GALNTL6: variants seen among roughly 807,000 people sequenced by gnomAD.
GALNTL6 encodes the protein polypeptide N-acetylgalactosaminyltransferase like 6, also known as polypeptide N-acetylgalactosaminyltransferase-like 6.
A neutral mutation model predicts 73.7 loss-of-function variants in GALNTL6; 46 were observed. That is an observed-to-expected ratio of 0.62 (90% confidence interval 0.49 to 0.80). The LOEUF (loss-of-function observed/expected upper bound fraction) is 0.80. Ranked by LOEUF, GALNTL6 falls within the 30% of genes least tolerant of loss-of-function variation. The pLI is 0.00. For missense variants in GALNTL6, 604 were observed against 755.0 expected, an observed-to-expected ratio of 0.80 and a Z score of 2.34; for synonymous variants, 259 against 263.7, an observed-to-expected ratio of 0.98 and a Z score of 0.17.
chr4:172,514,513 G>A (rs917601663), intron 5 of GALNTL6, among the ~76,000 whole-genome samples: 3 of 152,112 alleles, frequency 2.0e-5, no homozygotes, highest in East Asian at 1.9e-4. Context: ...TCTCTCTGCC[G>A]AGAAATCAAG....
chr4:171,957,325 A>G (rs1392225902), intron 2 of GALNTL6, among the ~76,000 whole-genome samples: 1 of 152,236 alleles, frequency 6.6e-6, no homozygotes, highest in Non-Finnish European at 1.5e-5. Context: ...TTGTCAAAAA[A>G]TAAGTTGCTA....
At chr4:172,073,810 G>T (rs1459310766) in intron 2 of GALNTL6, among the ~76,000 whole-genome samples, 1 of 152,190 alleles carries the variant, frequency 6.6e-6, no homozygotes, top group African/African-American at 2.4e-5. Flanking sequence ...CAATTTGGCT[G>T]AGGGCTAAGC....
chr4:171,918,381 A>G (rs559134440), intron 2 of GALNTL6, among the ~76,000 whole-genome samples: 1 of 152,280 alleles, frequency 6.6e-6, no homozygotes, highest in East Asian at 1.9e-4. Context: ...ATGATGTGTC[A>G]TGTTCTGACT....
intron 2 of GALNTL6, among the ~76,000 whole-genome samples, chr4:171,980,839 A>C (rs1739874551): frequency 6.6e-6 from 1 of 152,240 alleles, no homozygotes; most frequent in South Asian, 2.1e-4. Flanking sequence ...GATTTCATTA[A>C]AATGAAATAT....
At chr4:172,465,652 A>G (rs1373270538) in intron 5 of GALNTL6, among the ~76,000 whole-genome samples, 2 of 152,144 alleles carry the variant, frequency 1.3e-5, no homozygotes, top group African/African-American at 2.4e-5. Context: ...ATGCCACCCA[A>G]CTACCTAACA....
chr4:172,216,694 A>G (rs927862670), intron 2 of GALNTL6, among the ~76,000 whole-genome samples: 11 of 152,198 alleles, frequency 7.2e-5, no homozygotes, highest in African/African-American at 2.2e-4. Context: ...ATCAACAAAA[A>G]GAGTCAAACA....
At chr4:172,417,234 A>C (rs1000386648) in intron 5 of GALNTL6, among the ~76,000 whole-genome samples, 1 of 151,676 alleles carries the variant, frequency 6.6e-6, no homozygotes, top group Non-Finnish European at 1.5e-5. Flanking sequence ...ATTTTTTTTA[A>C]TGTAGCTGTT....
chr4:172,958,799 G>A (rs943754994), intron 10 of GALNTL6, among the ~76,000 whole-genome samples: 1 of 152,158 alleles, frequency 6.6e-6, no homozygotes, highest in African/African-American at 2.4e-5. Flanking sequence ...CTAAGTGAAA[G>A]CGAAGAGAGG....
At chr4:172,261,369 C>A (rs1037058866) in intron 3 of GALNTL6, among the ~76,000 whole-genome samples, 4 of 151,474 alleles carry the variant, frequency 2.6e-5, no homozygotes, top group African/African-American at 9.7e-5. Flanking sequence ...TCCATCTCCT[C>A]TAGATTTTCT....
intron 5 of GALNTL6, among the ~76,000 whole-genome samples, chr4:172,780,087 A>G (rs1739296299): frequency 6.6e-6 from 1 of 151,734 alleles, no homozygotes; most frequent in Non-Finnish European, 1.5e-5. Context: ...AAGGGTTGTC[A>G]TGGAAGGAAG....
At chr4:172,736,974 T>C (rs1736506382) in intron 5 of GALNTL6, among the ~76,000 whole-genome samples, 1 of 152,200 alleles carries the variant, frequency 6.6e-6, no homozygotes, top group South Asian at 2.1e-4. Context: ...TCCACCATGA[T>C]TGTGAGGCAT....
intron 4 of GALNTL6, among the ~76,000 whole-genome samples, chr4:172,348,294 T>C (rs1156235419): frequency 6.6e-6 from 1 of 152,214 alleles, no homozygotes; most frequent in Non-Finnish European, 1.5e-5. Context: ...TTTGAAACCC[T>C]GATACCAGAG....
chr4:172,394,577 A>G (rs1743784214), intron 5 of GALNTL6, among the ~76,000 whole-genome samples: 1 of 151,866 alleles, frequency 6.6e-6, no homozygotes, highest in African/African-American at 2.4e-5. Flanking sequence ...GGCCACAGGC[A>G]CACACCACCA....
chr4:172,893,342 T>TGGGGGGGG (rs1188538488), intron 8 of GALNTL6, among the ~76,000 whole-genome samples: 2 of 129,696 alleles, frequency 1.5e-5, no homozygotes, highest in Admixed American at 7.3e-5. Flanking sequence ...GTTCTGAGAG[T>TGGGGGGGG]GGCGGGGGGG....
chr4:172,701,075 G>A (rs920682665), intron 5 of GALNTL6, among the ~76,000 whole-genome samples: 1 of 152,082 alleles, frequency 6.6e-6, no homozygotes, highest in Non-Finnish European at 1.5e-5. Context: ...TTCATTTAGA[G>A]ACACCATGGC....
At chr4:171,870,240 T>C (rs1333552904) in intron 2 of GALNTL6, among the ~76,000 whole-genome samples, 1 of 152,218 alleles carries the variant, frequency 6.6e-6, no homozygotes. Context: ...AGGTTAATGG[T>C]ATATGCCTGG....
At chr4:172,349,835 ATATATATATAT>A (rs1741881800) in intron 5 of GALNTL6, among the ~76,000 whole-genome samples, 1 of 79,690 alleles carries the variant, frequency 1.3e-5, no homozygotes, top group South Asian at 5.2e-4. Context: ...AAAAAAATAT[ATATATATATAT>A]TTTTTTTAAA....
At chr4:172,965,600 AAAATT>A (rs1750286743) in intron 10 of GALNTL6, among the ~76,000 whole-genome samples, 1 of 150,936 alleles carries the variant, frequency 6.6e-6, no homozygotes, top group African/African-American at 2.4e-5. Context: ...AAATAAAATA[AAAATT>A]AAAAGTAAAA....
At chr4:172,225,834 A>C (rs1217092758) in intron 2 of GALNTL6, among the ~76,000 whole-genome samples, 1 of 152,142 alleles carries the variant, frequency 6.6e-6, no homozygotes, top group African/African-American at 2.4e-5. Flanking sequence ...GGTAATGCTG[A>C]TGCTGCTGGT....
Sources: gnomAD v4.1 joint callset for allele counts (sites outside exome capture counted in the v4.1 genomes callset) on GRCh38, gnomAD v4.1.1 for gene constraint, MANE v1.5 for transcripts, NCBI Gene and HGNC (gene_info 2026-07-23, HGNC 2026-07-21) for gene names.